ANKFN1: variants seen among roughly 807,000 people sequenced by gnomAD.
ANKFN1 encodes the protein ankyrin repeat and fibronectin type III domain containing 1.
In ANKFN1, 74 loss-of-function variants were observed where a neutral mutation model predicts 108.7. That is an observed-to-expected ratio of 0.68 (90% CI 0.56 to 0.83). ANKFN1 has a LOEUF of 0.83. ANKFN1 is among the 40% of genes least tolerant of loss of function. The pLI, the probability that ANKFN1 is intolerant of heterozygous loss-of-function variation, is 0.00. For missense variants in ANKFN1, 1,505 were observed against 1,382.3 expected (o/e 1.09, Z -1.41); for synonymous variants, 547 against 516.2 (o/e 1.06, Z -0.81).
chr17:56,331,780 A>G (rs1266841867), intron 4 of ANKFN1, among the ~76,000 whole-genome samples: 2 of 152,200 alleles, frequency 1.3e-5, no homozygotes, highest in African/African-American at 4.8e-5. Context: ...TTAGCATGTA[A>G]AAACAAAACT....
chr17:56,297,673 A>G (rs1455824725), intron 3 of ANKFN1, among the ~76,000 whole-genome samples: 2 of 152,164 alleles, frequency 1.3e-5, no homozygotes, highest in African/African-American at 4.8e-5. Flanking sequence ...GAACCTTCCT[A>G]TTGATGGTGT....
chr17:56,130,638 A>T (rs1430801758), intron 4 of ANKFN1, among the ~76,000 whole-genome samples: 1 of 152,108 alleles, frequency 6.6e-6, no homozygotes, highest in African/African-American at 2.4e-5. Flanking sequence ...GTGAAAAGTC[A>T]TGCAGGTTTA....
intron 15 of ANKFN1, among the ~76,000 whole-genome samples, chr17:56,476,098 T>C (rs1324390550): frequency 3.3e-5 from 5 of 152,194 alleles, no homozygotes; most frequent in African/African-American, 1.2e-4. Flanking sequence ...GAACTCACTA[T>C]CATGAGAACA....
intron 4 of ANKFN1, among the ~76,000 whole-genome samples, chr17:56,103,177 A>G (rs193006447): frequency 2.0e-4 from 30 of 152,252 alleles, no homozygotes. Flanking sequence ...AGAGTGAGGC[A>G]ATTCAGGTAA....
chr17:56,175,638 T>G (rs915411141), intron 1 of ANKFN1, among the ~76,000 whole-genome samples: 2 of 152,152 alleles, frequency 1.3e-5, no homozygotes, highest in African/African-American at 4.8e-5. Context: ...ATAAAATGCC[T>G]TGTCACCATC....
chr17:56,052,401 A>G (rs1904793798), intron 4 of ANKFN1, among the ~76,000 whole-genome samples: 1 of 152,200 alleles, frequency 6.6e-6, no homozygotes, highest in Non-Finnish European at 1.5e-5. Flanking sequence ...CCTAGGATGG[A>G]CAGACCAGGA....
chr17:56,335,128 A>G (rs2144588109), intron 4 of ANKFN1, among the ~76,000 whole-genome samples: 1 of 152,240 alleles, frequency 6.6e-6, no homozygotes, highest in Admixed American at 6.5e-5. Context: ...GTAGCCTTGT[A>G]GTATAGTTTG....
chr17:56,340,778 C>A (rs2045939988), intron 4 of ANKFN1, among the ~76,000 whole-genome samples: 1 of 152,062 alleles, frequency 6.6e-6, no homozygotes, highest in Non-Finnish European at 1.5e-5. Flanking sequence ...ATTGTCTTGA[C>A]TATTCGGGCT....
chr17:56,431,894 T>A (rs1468362001), intron 8 of ANKFN1, among the ~76,000 whole-genome samples: 1 of 152,248 alleles, frequency 6.6e-6, no homozygotes, highest in Non-Finnish European at 1.5e-5. Context: ...TCCTGTGCTC[T>A]CCTTGCTCTG....
chr17:56,184,499 T>C (rs963681109), intron 1 of ANKFN1, among the ~76,000 whole-genome samples: 17 of 152,204 alleles, frequency 1.1e-4, no homozygotes, highest in African/African-American at 3.6e-4. Context: ...AAAAAATTAA[T>C]GCGACTTGTT....
At position 56,237,283 on chromosome 17, in the gene ANKFN1, TG is replaced by T. The variant is rs1917224747; in HGVS notation, c.53+9330del. On this transcript the variant is annotated intron_variant, in intron 3 of 20. Coordinates refer to ENST00000682825, the MANE Select transcript of ANKFN1 (RefSeq NM_001370326.1). Reference sequence around the variant, plus strand: ...ATGATGCTGGCCTCATAGAATGAGGTGGGGAAGAATTAGTTCCCTCTTCAAT... The same window carrying T: ...ATGATGCTGGCCTCATAGAATGAGGTGGGAAGAATTAGTTCCCTCTTCAAT... 2.6e-5 allele frequency among the ~76,000 whole-genome samples: 4 copies of T among 152,294 alleles called. No homozygotes were observed. In the South Asian group the frequency reaches 8.3e-4, roughly 32 times the overall value.
chr17:56,258,910 C>A (rs1301881726), intron 3 of ANKFN1, among the ~76,000 whole-genome samples: 2 of 151,194 alleles, frequency 1.3e-5, no homozygotes, highest in Non-Finnish European at 2.9e-5. Flanking sequence ...GACTCCGTCT[C>A]GAAAAATAAA....
intron 4 of ANKFN1, among the ~76,000 whole-genome samples, chr17:56,336,828 A>T (rs2045824514): frequency 6.6e-6 from 1 of 151,904 alleles, no homozygotes; most frequent in Non-Finnish European, 1.5e-5. Context: ...TCGATTTTAG[A>T]TCTCTCCTGC....
chr17:56,180,383 C>G (rs1911579850), intron 1 of ANKFN1, among the ~76,000 whole-genome samples: 1 of 152,200 alleles, frequency 6.6e-6, no homozygotes, highest in Non-Finnish European at 1.5e-5. Context: ...TAAGCCCATT[C>G]TTACCTCCTC....
intron 20 of ANKFN1, among the ~76,000 whole-genome samples, chr17:56,501,488 A>T: frequency 6.6e-6 from 1 of 152,072 alleles, no homozygotes; most frequent in East Asian, 1.9e-4. Flanking sequence ...CCAAAAAAAA[A>T]GGTAAGAGAG....
chr17:56,177,095 C>A lies in ANKFN1; in HGVS notation c.-71+23565C>A, dbSNP rs138348186. Among the ~76,000 whole-genome samples, 1,400 of 152,230 alleles carry A rather than the reference C, an allele frequency of 9.2e-3. 17 individuals are homozygous for A. The highest frequency in any genetic ancestry group is 0.032 in the African/African-American group (1,339 of 41,516). Reference sequence around the variant, plus strand: ...TTCCCCAGAGCCCCCAGGTGAAAGGCCCCCCTGCCCTTTTCTCCTTGGTGA... The same window carrying A: ...TTCCCCAGAGCCCCCAGGTGAAAGGACCCCCTGCCCTTTTCTCCTTGGTGA... On this transcript the variant is annotated intron_variant, in intron 1 of 20. Transcript: ENST00000682825.
intron 3 of ANKFN1, among the ~76,000 whole-genome samples, chr17:56,312,890 C>T (rs1360592018): frequency 1.3e-5 from 2 of 152,134 alleles, no homozygotes; most frequent in Non-Finnish European, 2.9e-5. Flanking sequence ...GGCACGGTGG[C>T]TCATGCCTGT....
chr17:56,159,723 G>T (rs1909465323), intron 1 of ANKFN1, among the ~76,000 whole-genome samples: 1 of 152,158 alleles, frequency 6.6e-6, no homozygotes, highest in Non-Finnish European at 1.5e-5. Flanking sequence ...AACATCGTCA[G>T]TCTTGCAGTC....
At position 56,374,729 on chromosome 17, in the gene ANKFN1, A is replaced by G; in HGVS notation, c.910+15A>G. 2 of 1,574,930 alleles carry G rather than the reference A, an allele frequency of 1.3e-6. No homozygotes were observed. Among genetic ancestry groups the G allele is most frequent in the African/African-American group, 2.7e-5 (2 of 73,826 alleles). On this transcript the variant is annotated intron_variant, in intron 8 of 20. Transcript: ENST00000682825. Reference sequence around the variant, plus strand: ...CAGGTATAAAGGTACTGGACCCAAGACATGTTTTCATCACTCCTTCTTAAA... The same window carrying G: ...CAGGTATAAAGGTACTGGACCCAAGGCATGTTTTCATCACTCCTTCTTAAA...
Sources: allele counts gnomAD v4.1 joint callset (sites outside exome capture counted in the v4.1 genomes callset), GRCh38; gene constraint gnomAD v4.1.1; transcripts MANE v1.5; gene names NCBI Gene and HGNC (gene_info 2026-07-23, HGNC 2026-07-21).